PCDHA6: variants seen among roughly 807,000 people sequenced by gnomAD.
PCDHA6 encodes the protein protocadherin alpha 6, also known as protocadherin alpha-6.
PCDHA6 carries 55 observed loss-of-function variants against 60.3 expected under a neutral mutation model. That is an observed-to-expected ratio of 0.91 (90% CI 0.73 to 1.14). The LOEUF is 1.14. Ranked by LOEUF, PCDHA6 falls within the 50% of genes most tolerant of loss-of-function variation. The pLI is 0.00. For synonymous variants in PCDHA6, 652 were observed against 557.9 expected (o/e 1.17, Z -2.38); for missense variants, 1,327 against 1,256.5 (o/e 1.06, Z -0.85).
At chr5:140,876,614 C>G in intron 1 of PCDHA6, 1 of 1,614,130 alleles carries the variant, frequency 6.2e-7, no homozygotes, top group Non-Finnish European at 8.5e-7. Flanking sequence ...GACTCTGGAG[C>G]CAATGGACAG....
Position 140,882,483 on chromosome 5 carries a change from G to C in PCDHA6, c.2394+51998G>C. ...TTCCGGGTGGCGTCCAAAAGACACG[G>C]GGACCTTCTGGAGGTAAATCTGCAG... On this transcript the variant is annotated intron_variant, in intron 1 of 3. Coordinates refer to ENST00000529310, the MANE Select transcript of PCDHA6 (RefSeq NM_018909.4). 2 of 1,614,080 alleles carry C rather than the reference G, an allele frequency of 1.2e-6. No individual in the cohort carries two copies. Among genetic ancestry groups the C allele is most frequent in the Non-Finnish European group, 1.7e-6 (2 of 1,180,052 alleles).
intron 1 of PCDHA6, among the ~76,000 whole-genome samples, chr5:140,962,354 A>G (rs80298031): frequency 0.023 from 3,560 of 152,266 alleles, 46 homozygotes; most frequent in Middle Eastern, 0.034. Context: ...ACTCCCCCCA[A>G]TACTGGCTAG....
At chr5:140,836,234 T>C (rs1774307282) in intron 1 of PCDHA6, 1 of 1,613,668 alleles carries the variant, frequency 6.2e-7, no homozygotes, top group Admixed American at 1.7e-5. Flanking sequence ...TGGCGGCCGG[T>C]GCGAGCATCC....
rs2150369149 is a variant in PCDHA6 at position 140,844,155 on chromosome 5, T to C, written c.2394+13670T>C. On this transcript the variant is annotated intron_variant, in intron 1 of 3. Transcript: ENST00000529310. ...AATATGTTGTCTTTATATTTACTTTTATTCACTTTAAGATCTCGGTTTATT... is the reference window on the plus strand; with the variant it reads ...AATATGTTGTCTTTATATTTACTTTCATTCACTTTAAGATCTCGGTTTATT... 1.3e-4 allele frequency among the ~76,000 whole-genome samples: 20 copies of C among 149,790 alleles called. 2 individuals carry two copies. The highest frequency in any genetic ancestry group is 6.7e-4 in the Admixed American group (10 of 14,966).
chr5:140,966,290 G>A (rs2095989541), intron 1 of PCDHA6: 3 of 375,186 alleles, frequency 8.0e-6, no homozygotes, highest in Non-Finnish European at 1.4e-5. Flanking sequence ...GGGGTAGGGA[G>A]AAAGGGAGTG....
chr5:140,925,427 G>A (rs1394500937), intron 1 of PCDHA6, among the ~76,000 whole-genome samples: 2 of 152,012 alleles, frequency 1.3e-5, no homozygotes, highest in Non-Finnish European at 2.9e-5. Context: ...CTGGTTGTAG[G>A]GTGTTAGGCA....
chr5:140,954,652 T>C (rs541171307), intron 1 of PCDHA6, among the ~76,000 whole-genome samples: 24 of 152,356 alleles, frequency 1.6e-4, no homozygotes, highest in African/African-American at 5.8e-4. Flanking sequence ...TTTAAGTTCC[T>C]TGTAGACTCT....
In PCDHA6 at chr5:141,003,240, CAA is replaced by C. The variant is rs1287973511; in HGVS notation, c.2543-6383_2543-6382del. ...GAAAGAGGAAAGCTGGAAATTTTGC[CAA>C]AAAGATTCCTGGGCAGTGCCTAAGG... On this transcript the variant is annotated intron_variant, in intron 3 of 3. Transcript: ENST00000529310. Among the ~76,000 whole-genome samples the C allele has an allele frequency of 2.6e-5, 4 of 152,150 alleles. No individual in the cohort carries two copies. In the East Asian group the frequency reaches 7.7e-4, roughly 29 times the overall value.
chr5:140,856,019 C>T (rs2043732184), intron 1 of PCDHA6: 1 of 1,551,820 alleles, frequency 6.4e-7, no homozygotes, highest in East Asian at 2.3e-5. Flanking sequence ...ACCGCTGATT[C>T]GTCGATTTGT....
chr5:140,877,120 A>G (rs782093528), intron 1 of PCDHA6: 4 of 1,613,684 alleles, frequency 2.5e-6, no homozygotes, highest in East Asian at 4.5e-5. Context: ...CAGCAACGTG[A>G]CGCTGCAGGT....
intron 1 of PCDHA6, among the ~76,000 whole-genome samples, chr5:140,952,174 A>T (rs1376987356): frequency 6.6e-6 from 1 of 152,096 alleles, no homozygotes; most frequent in Non-Finnish European, 1.5e-5. Flanking sequence ...CAGTTCCTGC[A>T]GCTGCTCTCA....
At chr5:140,862,766 A>T (rs781899169) in intron 1 of PCDHA6, 1 of 576,266 alleles carries the variant, frequency 1.7e-6, no homozygotes, top group Non-Finnish European at 3.3e-6. Context: ...GGCAAGAGGT[A>T]CGCGTTGCAG....
Position 140,871,133 on chromosome 5 carries a change from C to A in PCDHA6, c.2394+40648C>A, listed in dbSNP as rs1156390839. On this transcript the variant is annotated intron_variant, in intron 1 of 3. Transcript: ENST00000529310. ...GTGGAGAGCGGACAGGCGCCAAAGG[C>A]CTCTTCCCGGACTTTGGCGGGCGCC... 29 of 1,613,274 alleles carry A rather than the reference C, an allele frequency of 1.8e-5. No homozygotes were observed. Among genetic ancestry groups the A allele is most frequent in the Non-Finnish European group, 2.5e-5 (29 of 1,179,916 alleles).
intron 1 of PCDHA6, chr5:140,849,848 C>T (rs1554143388): frequency 6.3e-6 from 10 of 1,598,544 alleles, no homozygotes; most frequent in African/African-American, 4.0e-5. Context: ...TGAACGACAA[C>T]GCACCAGCGT....
Position 140,853,522 on chromosome 5 carries a change from C to T in PCDHA6, c.2394+23037C>T, listed in dbSNP as rs1217727658. Reference sequence around the variant, plus strand: ...TCATGAAACAATAATGAAGCTCCTCCTATGTCTCTTTTCAAGTTGTAATTA... The same window carrying T: ...TCATGAAACAATAATGAAGCTCCTCTTATGTCTCTTTTCAAGTTGTAATTA... On this transcript the variant is annotated intron_variant, in intron 1 of 3. Coordinates refer to ENST00000529310, the MANE Select transcript of PCDHA6 (RefSeq NM_018909.4). 4.1e-6 allele frequency: 4 copies of T among 977,898 alleles called. No homozygotes were observed. In the African/African-American group the frequency reaches 5.3e-5, roughly 13 times the overall value. The allele number at this position is 977,898 out of a possible 1,614,324, so 60.6% of individuals were successfully genotyped here.
At chr5:140,897,518 T>A (rs2066160092) in intron 1 of PCDHA6, among the ~76,000 whole-genome samples, 2 of 152,260 alleles carry the variant, frequency 1.3e-5, no homozygotes, top group Admixed American at 1.3e-4. Context: ...GGACATGAAC[T>A]CATCATTTTT....
chr5:140,891,225 T>C (rs1554184733), intron 1 of PCDHA6, among the ~76,000 whole-genome samples: 1 of 152,222 alleles, frequency 6.6e-6, no homozygotes, highest in Non-Finnish European at 1.5e-5. Context: ...TTTATAATCA[T>C]CCTGTTCTGG....
chr5:140,841,831 C>A, intron 1 of PCDHA6: 1 of 1,613,930 alleles, frequency 6.2e-7, no homozygotes, highest in Non-Finnish European at 8.5e-7. Context: ...TGTTAACCTA[C>A]AGGCTTAGCT....
chr5:141,008,953 A>G (rs1554261966), intron 3 of PCDHA6, among the ~76,000 whole-genome samples: 1 of 152,240 alleles, frequency 6.6e-6, no homozygotes, highest in African/African-American at 2.4e-5. Context: ...CAAAATAGAC[A>G]TCCTAATACA....
Sources: gnomAD v4.1 joint callset for allele counts (sites outside exome capture counted in the v4.1 genomes callset) on GRCh38, gnomAD v4.1.1 for gene constraint, MANE v1.5 for transcripts, NCBI Gene and HGNC (gene_info 2026-07-23, HGNC 2026-07-21) for gene names.